Variants in LAMA2 observed in about 807,000 individuals in gnomAD.
LAMA2 encodes the protein laminin subunit alpha-2.
A neutral mutation model predicts 364.8 loss-of-function variants in LAMA2; 269 were observed. The ratio of observed to expected loss-of-function variants is 0.74; its 90% CI spans 0.67 to 0.82. The LOEUF is 0.82. LAMA2 is among the 40% of genes least tolerant of loss of function. The pLI, the probability that LAMA2 is intolerant of heterozygous loss-of-function variation, is 0.00. For missense variants in LAMA2, 3,807 were observed against 3,873.2 expected, an observed-to-expected ratio of 0.98 and a Z score of 0.45; for synonymous variants, 1,379 against 1,370.6, an observed-to-expected ratio of 1.01 and a Z score of -0.14.
intron 4 of LAMA2, among the ~76,000 whole-genome samples, chr6:129,113,675 T>C (rs1429982325): frequency 1.3e-5 from 2 of 152,060 alleles, no homozygotes; most frequent in Non-Finnish European, 2.9e-5. Flanking sequence ...CTACAAATAG[T>C]GTTCTTAGAA....
chr6:128,919,134 T>C (rs1235786529), intron 1 of LAMA2, among the ~76,000 whole-genome samples: 3 of 152,146 alleles, frequency 2.0e-5, no homozygotes, highest in East Asian at 1.9e-4. Context: ...GTTTCCTCAA[T>C]GATGGGCCCA....
At chr6:129,387,787 C>G (rs1779097573) in intron 35 of LAMA2, among the ~76,000 whole-genome samples, 1 of 152,154 alleles carries the variant, frequency 6.6e-6, no homozygotes, top group African/African-American at 2.4e-5. Context: ...GCATCCTCAG[C>G]AAACTAATCC....
chr6:129,055,179 A>ATTATTATTAT (rs1554207605), intron 2 of LAMA2, among the ~76,000 whole-genome samples: 7 of 120,738 alleles, frequency 5.8e-5, no homozygotes, highest in East Asian at 2.1e-4. Context: ...ATTATTATTT[A>ATTATTATTAT]TTATTATTAT....
rs151280823 is a variant in LAMA2, at chr6:129,443,309, C to T, written c.6274+241C>T. On this transcript the variant is annotated intron_variant, in intron 44 of 64. Transcript: ENST00000421865. Reference sequence around the variant, plus strand: ...TAGTGTTATAAAAAGTTTGGTCAGGCGAAGTGGCTCATACTCTAACCCCAG... The same window carrying T: ...TAGTGTTATAAAAAGTTTGGTCAGGTGAAGTGGCTCATACTCTAACCCCAG... 6.0e-3 allele frequency among the ~76,000 whole-genome samples: 915 copies of T among 152,012 alleles called. 13 individuals are homozygous for T. Among genetic ancestry groups the T allele is most frequent in the African/African-American group, 0.021 (854 of 41,462 alleles).
chr6:128,895,697 T>C (rs747244432), intron 1 of LAMA2, among the ~76,000 whole-genome samples: 8 of 152,226 alleles, frequency 5.3e-5, no homozygotes, highest in South Asian at 2.1e-4. Context: ...TCTGTAATTC[T>C]GAATATTAGC....
chr6:129,402,145 G>A (rs1487564936), intron 38 of LAMA2, among the ~76,000 whole-genome samples, 179 bp from the exon 39 acceptor site: 1 of 148,852 alleles, frequency 6.7e-6, no homozygotes, highest in Non-Finnish European at 1.5e-5. Flanking sequence ...GGAGGCAGAG[G>A]TTGCAGTGAG....
intron 4 of LAMA2, among the ~76,000 whole-genome samples, chr6:129,130,900 C>G (rs1350466845): frequency 1.3e-5 from 2 of 152,150 alleles, no homozygotes; most frequent in Non-Finnish European, 2.9e-5. Flanking sequence ...GTTGCCATCT[C>G]TCATTGTGAG....
chr6:129,337,165 A>G (rs1776002471), intron 29 of LAMA2, among the ~76,000 whole-genome samples: 1 of 152,162 alleles, frequency 6.6e-6, no homozygotes, highest in Non-Finnish European at 1.5e-5. Context: ...AGAACAGAGG[A>G]AATGACACAT....
intron 10 of LAMA2, among the ~76,000 whole-genome samples, chr6:129,178,373 T>G (rs543044153): frequency 1.1e-4 from 16 of 152,190 alleles, no homozygotes; most frequent in Non-Finnish European, 1.9e-4. Context: ...GGCTCAATAT[T>G]TTCTTCCAAG....
intron 49 of LAMA2, among the ~76,000 whole-genome samples, chr6:129,461,148 C>T (rs916361297): frequency 2.6e-5 from 4 of 151,960 alleles, no homozygotes; most frequent in African/African-American, 9.7e-5. Context: ...ATAAAACATA[C>T]TTTAAATACC....
intron 1 of LAMA2, among the ~76,000 whole-genome samples, chr6:128,892,706 T>C (rs1239491832): frequency 6.6e-6 from 1 of 151,936 alleles, no homozygotes; most frequent in African/African-American, 2.4e-5. Flanking sequence ...TTGTCTTTAT[T>C]TGGACTCTCC....
At chr6:129,240,164 C>A (rs140463348) in intron 12 of LAMA2, among the ~76,000 whole-genome samples, 1 of 152,150 alleles carries the variant, frequency 6.6e-6, no homozygotes, top group Non-Finnish European at 1.5e-5. Context: ...TAGAAGACTG[C>A]GCAATTCTAG....
intron 1 of LAMA2, among the ~76,000 whole-genome samples, chr6:128,900,139 T>G (rs1776997758): frequency 6.6e-6 from 1 of 152,232 alleles, no homozygotes; most frequent in African/African-American, 2.4e-5. Context: ...TATGGTCTCT[T>G]GCTTGAAGTT....
At chr6:129,290,469 T>C (rs1789613735) in intron 19 of LAMA2, among the ~76,000 whole-genome samples, 1 of 152,152 alleles carries the variant, frequency 6.6e-6, no homozygotes, top group East Asian at 1.9e-4. Flanking sequence ...AGAAAAGCAG[T>C]TCTTTTGTTT....
chr6:129,314,272 G>T (rs972331094), intron 23 of LAMA2, among the ~76,000 whole-genome samples: 15 of 151,936 alleles, frequency 9.9e-5, no homozygotes, highest in Admixed American at 7.9e-4. Context: ...GGTGGCGGGC[G>T]CCTGTAGTCC....
At chr6:129,161,409 G>A (rs1194395140) in intron 8 of LAMA2, among the ~76,000 whole-genome samples, 1 of 151,994 alleles carries the variant, frequency 6.6e-6, no homozygotes, top group Non-Finnish European at 1.5e-5. Context: ...TCCCATTTGT[G>A]TCACAAAATT....
intron 1 of LAMA2, among the ~76,000 whole-genome samples, chr6:128,910,271 C>T (rs1036876536): frequency 1.1e-4 from 17 of 152,240 alleles, no homozygotes; most frequent in Non-Finnish European, 1.8e-4. Context: ...CTTTCAGGTA[C>T]ACCAATCAGA....
Position 129,055,169 on chromosome 6 carries a change from A to ATTATTAT in LAMA2, c.284-4606_284-4600dup, listed in dbSNP as rs1378525522. Among the ~76,000 whole-genome samples, 647 of 97,518 alleles carry ATTATTAT rather than the reference A, an allele frequency of 6.6e-3. 4 individuals carry two copies. Among genetic ancestry groups the ATTATTAT allele is most frequent in the African/African-American group, 0.032 (611 of 19,078 alleles). 64.0% of individuals were successfully genotyped at this position (97,518 alleles called of 152,430 possible). On this transcript the variant is annotated intron_variant, in intron 2 of 64. Coordinates refer to ENST00000421865, the MANE Select transcript of LAMA2 (RefSeq NM_000426.4). Reference sequence around the variant, plus strand: ...TCACAGTCTGGATTTACTTTACATTATTATTATTTATTATTATTATTATTA... The same window carrying ATTATTAT: ...TCACAGTCTGGATTTACTTTACATTATTATTATTTATTATTTATTATTATTATTATTA...
At chr6:129,423,197 C>T (rs942472290) in intron 40 of LAMA2, among the ~76,000 whole-genome samples, 3 of 151,676 alleles carry the variant, frequency 2.0e-5, no homozygotes, top group African/African-American at 7.3e-5. Context: ...CTATAAAAAC[C>T]TATTTTTTAA....
Sources: gnomAD v4.1 joint callset for allele counts (sites outside exome capture counted in the v4.1 genomes callset) on GRCh38, gnomAD v4.1.1 for gene constraint, MANE v1.5 for transcripts, NCBI Gene and HGNC (gene_info 2026-07-23, HGNC 2026-07-21) for gene names.